Variants in LHX8 observed in about 807,000 individuals in gnomAD.
The protein encoded by LHX8 is LIM/homeobox protein Lhx8.
A neutral mutation model predicts 40.3 loss-of-function variants in LHX8; 12 were observed. That is an observed-to-expected ratio of 0.30 (90% CI 0.19 to 0.48). The LOEUF (loss-of-function observed/expected upper bound fraction) is 0.48, where lower values mean the gene tolerates loss of function less well. LHX8 is among the 20% of genes least tolerant of loss of function. LHX8 has a pLI of 0.99. For missense variants in LHX8, 344 were observed against 433.7 expected (o/e 0.79, Z 1.84); for synonymous variants, 179 against 162.0 (o/e 1.10, Z -0.80).
At chr1:75,137,969 T>TG (rs1403063142) in intron 3 of LHX8, among the ~76,000 whole-genome samples, 1 of 152,206 alleles carries the variant, frequency 6.6e-6, no homozygotes, top group African/African-American at 2.4e-5. Flanking sequence ...CTTGAGTGCT[T>TG]GGGGAGAAAA....
rs545458695 is a variant in LHX8 at position 75,157,202 on chromosome 1, G to C, written c.964+126G>C. The C allele has an allele frequency of 1.5e-3, 1,647 of 1,118,414 alleles. 21 individuals carry two copies. The highest frequency in any genetic ancestry group is 5.9e-3 in the Middle Eastern group (28 of 4,710). 69.3% of individuals were successfully genotyped at this position (1,118,414 alleles called of 1,614,324 possible). On this transcript the variant is annotated intron_variant, in intron 8 of 8. Coordinates refer to ENST00000356261, the MANE Select transcript of LHX8 (RefSeq NM_001256114.2). ...CAGTAGTAGCTGAAAAATATTGTGG[G>C]GGGTGCAGTAGAGAGCAAAATTATC...
At chr1:75,141,270 A>G (rs1332224671) in intron 4 of LHX8, among the ~76,000 whole-genome samples, 164 bp downstream of exon 4, 3 of 152,198 alleles carry the variant, frequency 2.0e-5, no homozygotes, top group Non-Finnish European at 2.9e-5. Flanking sequence ...TATAATGTGT[A>G]TAAATAAGCA....
intron 7 of LHX8, among the ~76,000 whole-genome samples, chr1:75,150,002 G>A (rs1052641772): frequency 6.6e-6 from 1 of 152,178 alleles, no homozygotes; most frequent in Non-Finnish European, 1.5e-5. Context: ...AGCATTTTGG[G>A]AGGTCAAGGC....
the LHX8 span, among the ~76,000 whole-genome samples, chr1:75,175,497 A>AT: frequency 6.6e-6 from 1 of 151,926 alleles, no homozygotes; most frequent in East Asian, 1.9e-4. Flanking sequence ...AATTATGACC[A>AT]TTTTTGCAGG....
Position 75,136,700 on chromosome 1 carries a change from A to AT in LHX8, c.75+11_75+12insT. 6.5e-7 allele frequency: 1 copy of AT among 1,539,964 alleles called. No individual in the cohort carries two copies. ...GGGGAAGAGGGACTGGTGAGTGCGG[A>AT]GGGGCTCGCGTGCTGGCAAGACTGG... On this transcript the variant is annotated intron_variant, in intron 2 of 8. Coordinates refer to ENST00000356261, the MANE Select transcript of LHX8 (RefSeq NM_001256114.2).
At chr1:75,133,665 T>G (rs1245546755), upstream of LHX8, among the ~76,000 whole-genome samples, 7 of 152,152 alleles carry the variant, frequency 4.6e-5, no homozygotes, top group Admixed American at 3.9e-4. Flanking sequence ...AAACACACCT[T>G]CCAATCTTAA....
At chr1:75,175,172 T>C in the LHX8 span, among the ~76,000 whole-genome samples, 5 of 152,350 alleles carry the variant, frequency 3.3e-5, no homozygotes, top group South Asian at 8.3e-4. Flanking sequence ...TAGTATTCCA[T>C]GGTATAGATC....
Position 75,137,090 on chromosome 1 carries a change from T to C in LHX8, c.76-10T>C. 1 of 1,597,234 alleles carries C rather than the reference T, an allele frequency of 6.3e-7. No homozygotes were observed. Among genetic ancestry groups the C allele is most frequent in the Non-Finnish European group, 8.6e-7 (1 of 1,169,470 alleles). On this transcript the variant is annotated splice_polypyrimidine_tract_variant and intron_variant, in intron 2 of 8. Coordinates refer to ENST00000356261, the MANE Select transcript of LHX8 (RefSeq NM_001256114.2). ...GTCTAGAACCGCCTGCGCCTCGCGG[T>C]TTCCTGCAGGTGAGCCCCGAGGGAG...
rs144728419 is a variant in LHX8 at position 75,156,982 on chromosome 1, C to T, written c.870C>T (p.Ser290=). 5.5e-5 allele frequency: 88 copies of T among 1,614,052 alleles called. No individual in the cohort carries two copies. Among genetic ancestry groups the T allele is most frequent in the Admixed American group, 1.5e-4 (9 of 59,996 alleles). ...CCCCAGTCACAGCAGTCCCACCCTC[C>T]AGGCTGTCTCCACCCATGTTAGAAG... ...SSTPVTAVPP[S]RLSPPMLEEM... is the part of the protein sequence containing the mutation. The change falls in exon 8 of 9, where the codon TCC becomes TCT. Residue 290 remains serine (S), a synonymous_variant. Coordinates refer to ENST00000356261, the MANE Select transcript of LHX8 (RefSeq NM_001256114.2).
the LHX8 span, among the ~76,000 whole-genome samples, chr1:75,187,400 T>C: frequency 2.0e-5 from 3 of 152,220 alleles, no homozygotes; most frequent in Non-Finnish European, 4.4e-5. Context: ...GATGCCACAT[T>C]CCAAAATGAC....
rs1193067087 is a variant in LHX8, at chr1:75,137,087, C to G, written c.76-13C>G. ...GGGGTCTAGAACCGCCTGCGCCTCG[C>G]GGTTTCCTGCAGGTGAGCCCCGAGG... On this transcript the variant is annotated splice_polypyrimidine_tract_variant and intron_variant, in intron 2 of 8. Coordinates refer to ENST00000356261, the MANE Select transcript of LHX8 (RefSeq NM_001256114.2). The G allele has an allele frequency of 1.9e-6, 3 of 1,595,788 alleles. No homozygotes were observed. The highest frequency in any genetic ancestry group is 2.7e-5 in the African/African-American group (2 of 74,386).
At chr1:75,192,560 C>T in the LHX8 span, among the ~76,000 whole-genome samples, 9 of 152,236 alleles carry the variant, frequency 5.9e-5, no homozygotes, top group Admixed American at 5.2e-4. Flanking sequence ...CCTCCCATCA[C>T]AGAAAGGGAT....
the LHX8 span, among the ~76,000 whole-genome samples, chr1:75,169,663 A>G: frequency 6.6e-6 from 1 of 152,162 alleles, no homozygotes; most frequent in Non-Finnish European, 1.5e-5. Flanking sequence ...TATTTAAACT[A>G]TCACTGAGCC....
chr1:75,190,566 G>T, the LHX8 span, among the ~76,000 whole-genome samples: 2 of 152,004 alleles, frequency 1.3e-5, no homozygotes, highest in East Asian at 3.9e-4. Flanking sequence ...CATTTATCTT[G>T]TCCTAAATAA....
At chr1:75,186,338 AAC>A in the LHX8 span, among the ~76,000 whole-genome samples, 1 of 152,208 alleles carries the variant, frequency 6.6e-6, no homozygotes. Context: ...CTGGTACAAC[AAC>A]AGACACATAG....
the LHX8 span, among the ~76,000 whole-genome samples, chr1:75,183,491 A>C: frequency 6.6e-6 from 1 of 152,158 alleles, no homozygotes; most frequent in Non-Finnish European, 1.5e-5. Flanking sequence ...TAAAAAAAAA[A>C]ATCTTCAACC....
At chr1:75,169,824 T>TC in the LHX8 span, among the ~76,000 whole-genome samples, 1 of 152,162 alleles carries the variant, frequency 6.6e-6, no homozygotes, top group Non-Finnish European at 1.5e-5. Flanking sequence ...CTCCAAGTTC[T>TC]CCATATCACT....
chr1:75,139,050 T>TA (rs1005404963), intron 3 of LHX8, among the ~76,000 whole-genome samples: 9 of 149,698 alleles, frequency 6.0e-5, no homozygotes, highest in East Asian at 3.9e-4. Flanking sequence ...GTCACTGATT[T>TA]AAAAAAAAAA....
upstream of LHX8, chr1:75,131,594 C>T (rs1395985612): frequency 6.6e-6 from 1 of 152,268 alleles, no homozygotes; most frequent in Non-Finnish European, 1.5e-5. Flanking sequence ...TTCGCAGCTG[C>T]TCGCAGCCCA....
Sources: allele counts gnomAD v4.1 joint callset (sites outside exome capture counted in the v4.1 genomes callset), GRCh38; gene constraint gnomAD v4.1.1; transcripts MANE v1.5; gene names NCBI Gene and HGNC (gene_info 2026-07-23, HGNC 2026-07-21).